ITCH: variants seen among roughly 807,000 people sequenced by gnomAD.
The protein encoded by ITCH is E3 ubiquitin-protein ligase Itchy homolog.
Under a neutral mutation model 126.8 loss-of-function variants are expected in ITCH, and 28 were observed. The ratio of observed to expected loss-of-function variants is 0.22; its 90% confidence interval spans 0.16 to 0.30. The LOEUF (loss-of-function observed/expected upper bound fraction) is 0.30, where lower values mean the gene tolerates loss of function less well. ITCH is among the 10% of genes least tolerant of loss of function. The probability of loss-of-function intolerance (pLI) is 1.00; values close to 1 mark genes in which losing one functional copy is unlikely to be tolerated. For synonymous variants in ITCH, 342 were observed against 340.0 expected (o/e 1.01, Z -0.06); for missense variants, 631 against 1,032.4 (o/e 0.61, Z 5.33).
At position 34,510,457 on chromosome 20, in the gene ITCH, T is replaced by A. The variant is rs1370264305; in HGVS notation, c.*2663T>A. ...AAATCCTGTTAATTTTTTTTTTTTT[T>A]TTTTTTTTTTTTTACTGCATGTTAC... On this transcript the variant is annotated 3_prime_UTR_variant, in exon 25 of 25. Transcript: ENST00000374864. The A allele has an allele frequency of 6.8e-6, 1 of 147,390 alleles. No homozygotes were observed. The highest frequency in any genetic ancestry group is 1.5e-5 in the Non-Finnish European group (1 of 66,668). 9.1% of individuals were successfully genotyped at this position (147,390 alleles called of 1,614,324 possible). A position where few individuals can be genotyped will look rare whatever the true frequency, so the allele number is the denominator to read the frequency against.
rs758538220 is a variant in ITCH, at chr20:34,435,173, G to GT, written c.522-3301_522-3300insT. On this transcript the variant is annotated intron_variant, in intron 7 of 24. Transcript: ENST00000374864. The stretch of plus-strand genomic sequence containing the variant: ...TGATTTTTTGGTTTGTTTGTTTTTG[G>GT]GTTTTTTTTTTTTGAGACAGAGTCT... 2.7e-3 allele frequency among the ~76,000 whole-genome samples: 359 copies of GT among 131,566 alleles called. 2 individuals are homozygous for GT. Among genetic ancestry groups the GT allele is most frequent in the Middle Eastern group, 8.2e-3 (2 of 244 alleles). The allele number at this position is 131,566 out of a possible 152,430, so 86.3% of individuals were successfully genotyped here. A position where few individuals can be genotyped will look rare whatever the true frequency, so the allele number is the denominator to read the frequency against.
At chr20:34,401,768 A>G (rs1012358789) in intron 3 of ITCH, 9 of 312,758 alleles carry the variant, frequency 2.9e-5, no homozygotes, top group Admixed American at 6.5e-5. Context: ...GAGGAGGGGG[A>G]AAAAAAACCA....
chr20:34,416,525 A>G (rs1169251043), intron 6 of ITCH, among the ~76,000 whole-genome samples: 1 of 152,102 alleles, frequency 6.6e-6, no homozygotes, highest in East Asian at 1.9e-4. Context: ...CTTTGGGGGG[A>G]AAAATACCTT....
intron 8 of ITCH, 79 bp downstream of exon 8, chr20:34,438,710 C>A (rs1459359662): frequency 4.0e-6 from 6 of 1,499,860 alleles, no homozygotes; most frequent in East Asian, 4.5e-5. Flanking sequence ...TCAGGAAATT[C>A]TTTTAGGTGA....
intron 3 of ITCH, among the ~76,000 whole-genome samples, chr20:34,394,672 A>T (rs1015824939): frequency 1.3e-5 from 2 of 152,200 alleles, no homozygotes; most frequent in Non-Finnish European, 2.9e-5. Flanking sequence ...GAAAAGGCGT[A>T]CATCTTATTA....
chr20:34,380,173 A>G (rs1450152267), intron 2 of ITCH, among the ~76,000 whole-genome samples: 1 of 152,048 alleles, frequency 6.6e-6, no homozygotes, highest in Non-Finnish European at 1.5e-5. Context: ...CGCCTGGCCA[A>G]TATTTGTCCT....
At chr20:34,474,578 C>T (rs891193823) in intron 16 of ITCH, among the ~76,000 whole-genome samples, 1 of 152,244 alleles carries the variant, frequency 6.6e-6, no homozygotes, top group African/African-American at 2.4e-5. Flanking sequence ...TGCACAGACA[C>T]GGCAACCATC....
At chr20:34,432,435 G>A (rs955928059) in intron 7 of ITCH, among the ~76,000 whole-genome samples, 3 of 152,064 alleles carry the variant, frequency 2.0e-5, no homozygotes, top group African/African-American at 7.2e-5. Context: ...CCTTGTAATA[G>A]ATAAATGTAC....
At chr20:34,411,852 TAG>T (rs1404194131) in intron 4 of ITCH, among the ~76,000 whole-genome samples, 4 of 152,236 alleles carry the variant, frequency 2.6e-5, no homozygotes, top group African/African-American at 9.6e-5. Context: ...AATACCATTA[TAG>T]AGAGTATTCC....
intron 3 of ITCH, chr20:34,402,529 T>A: frequency 1.3e-6 from 1 of 746,540 alleles, no homozygotes. Context: ...TCCCTCATAA[T>A]CCTCTTGCTC....
intron 20 of ITCH, 117 bp from the exon 21 acceptor site, chr20:34,489,149 G>A: frequency 7.2e-6 from 6 of 828,144 alleles, no homozygotes; most frequent in East Asian, 5.8e-5. Context: ...GGTTCATTAT[G>A]TTCTATTTTT....
chr20:34,460,460 C>T (rs907049634), intron 13 of ITCH, among the ~76,000 whole-genome samples: 2 of 151,310 alleles, frequency 1.3e-5, no homozygotes, highest in African/African-American at 4.9e-5. Flanking sequence ...AAAAGATGTC[C>T]TGGCAGTATG....
At chr20:34,381,221 T>C (rs374417534) in intron 2 of ITCH, among the ~76,000 whole-genome samples, 3 of 151,794 alleles carry the variant, frequency 2.0e-5, no homozygotes, top group East Asian at 2.0e-4. Context: ...GCCAACAAAG[T>C]CTACAAAACG....
At chr20:34,363,967 G>C (rs1360933588) in intron 1 of ITCH, among the ~76,000 whole-genome samples, 1 of 152,186 alleles carries the variant, frequency 6.6e-6, no homozygotes, top group Non-Finnish European at 1.5e-5. Flanking sequence ...GACTTTTGCA[G>C]ACGTGGAGCT....
At chr20:34,365,869 T>G (rs2037403337) in intron 1 of ITCH, among the ~76,000 whole-genome samples, 2 of 152,234 alleles carry the variant, frequency 1.3e-5, no homozygotes, top group South Asian at 4.1e-4. Flanking sequence ...CAATTTATTT[T>G]TAACACATGC....
chr20:34,437,047 A>G (rs1424192609), intron 7 of ITCH, among the ~76,000 whole-genome samples: 1 of 151,914 alleles, frequency 6.6e-6, no homozygotes, highest in Non-Finnish European at 1.5e-5. Flanking sequence ...GAGAACTGCT[A>G]GAACCTGGTA....
intron 3 of ITCH, among the ~76,000 whole-genome samples, chr20:34,405,361 T>G (rs933350068): frequency 3.9e-5 from 6 of 151,902 alleles, no homozygotes; most frequent in South Asian, 2.1e-4. Flanking sequence ...AAACATTAGC[T>G]GGGTGTGGCG....
chr20:34,364,818 G>T (rs2037352314), intron 1 of ITCH, among the ~76,000 whole-genome samples: 1 of 149,578 alleles, frequency 6.7e-6, no homozygotes, highest in Non-Finnish European at 1.5e-5. Context: ...TTGAACCCGG[G>T]AGGTGGAGGC....
intron 13 of ITCH, among the ~76,000 whole-genome samples, chr20:34,460,859 A>T (rs1391394047): frequency 6.6e-6 from 1 of 152,088 alleles, no homozygotes; most frequent in Non-Finnish European, 1.5e-5. Flanking sequence ...GTCTCTACAT[A>T]AAATTTTATA....
Sources: allele counts gnomAD v4.1 joint callset (sites outside exome capture counted in the v4.1 genomes callset), GRCh38; gene constraint gnomAD v4.1.1; transcripts MANE v1.5; gene names NCBI Gene and HGNC (gene_info 2026-07-23, HGNC 2026-07-21).